The following SH3KBP1 variants were observed in gnomAD, a reference collection of about 807,000 sequenced individuals.
SH3KBP1 encodes SH3 domain-containing kinase-binding protein 1.
In SH3KBP1, 8 loss-of-function variants were observed where a neutral mutation model predicts 50.1. The observed-to-expected ratio is 0.16, with a 90% CI of 0.09 to 0.29. SH3KBP1 has a LOEUF of 0.29. Ranked by LOEUF, SH3KBP1 falls within the 10% of genes least tolerant of loss-of-function variation. The probability of loss-of-function intolerance (pLI) is 1.00; values close to 1 mark genes in which losing one functional copy is unlikely to be tolerated. For synonymous variants in SH3KBP1, 227 were observed against 218.6 expected (o/e 1.04, Z -0.34); for missense variants, 377 against 535.2 (o/e 0.70, Z 2.92).
chrX:19,748,131 C>G (rs1340256870), intron 2 of SH3KBP1, among the ~76,000 whole-genome samples: 1 of 112,193 alleles, frequency 8.9e-6, no homozygotes, highest in African/African-American at 3.2e-5. Flanking sequence ...GCTCAAACCT[C>G]ATTTTCCATC....
intron 17 of SH3KBP1, 73 bp from the exon 18 acceptor site, chrX:19,536,531 C>T (rs41304739): frequency 0.11 from 75,197 of 667,185 alleles, 3,832 homozygotes; most frequent in Non-Finnish European, 0.13. Context: ...GAAAGATTAT[C>T]AACCCGGTCG....
rs1334175121 is a variant in SH3KBP1, at chrX:19,608,332, A to G, written c.898-287T>C. On this transcript the variant is annotated intron_variant, in intron 8 of 17. Coordinates refer to ENST00000397821, the MANE Select transcript of SH3KBP1 (RefSeq NM_031892.3). ...TTTTTTTTTTTTTTTTTTTTGAGAC[A>G]GGGTCTCACTCTGTCGCCCAGGCTG... is the stretch of plus-strand genomic sequence containing the variant. Among the ~76,000 whole-genome samples the G allele has an allele frequency of 8.8e-5, 8 of 90,992 alleles. 1 individual carries two copies. In the East Asian group the frequency reaches 2.6e-3, roughly 30 times the overall value. The allele number at this position is 90,992 out of a possible 115,157, so 79.0% of individuals were successfully genotyped here.
intron 4 of SH3KBP1, among the ~76,000 whole-genome samples, 184 bp from the exon 5 acceptor site, chrX:19,695,925 G>A (rs990547211): frequency 9.0e-6 from 1 of 111,204 alleles, no homozygotes; most frequent in Admixed American, 9.5e-5. Context: ...GGCTAAAGAA[G>A]GGGGTGTTTA....
intron 1 of SH3KBP1, among the ~76,000 whole-genome samples, chrX:19,837,462 C>CTTTTTTT (rs777871798): frequency 1.2e-4 from 9 of 72,752 alleles, no homozygotes; most frequent in East Asian, 4.2e-4. Flanking sequence ...TTTCATAACA[C>CTTTTTTT]TTTTTTTTTT....
At chrX:19,548,831 G>GAGAGAC (rs746715053) in intron 14 of SH3KBP1, among the ~76,000 whole-genome samples, 13 of 110,461 alleles carry the variant, frequency 1.2e-4, no homozygotes, top group Non-Finnish European at 1.9e-4. Flanking sequence ...AATAAAGAGA[G>GAGAGAC]AGAGAGAGAG....
intron 6 of SH3KBP1, chrX:19,670,853 A>AAAAAAAAAAAAAT: frequency 4.4e-6 from 5 of 1,146,324 alleles, no homozygotes; most frequent in Non-Finnish European, 4.6e-6. Flanking sequence ...AAAAAAAAAA[A>AAAAAAAAAAAAAT]AGAAATACCT....
chrX:19,588,515 G>A (rs1393339059), intron 12 of SH3KBP1, 128 bp downstream of exon 12: 1 of 1,209,517 alleles, frequency 8.3e-7, no homozygotes, highest in Admixed American at 2.2e-5. Flanking sequence ...GCTGGAGGAT[G>A]TAAGAGGGAA....
intron 9 of SH3KBP1, among the ~76,000 whole-genome samples, chrX:19,602,899 C>T (rs955476285): frequency 4.5e-5 from 5 of 111,583 alleles, no homozygotes; most frequent in African/African-American, 1.6e-4. Context: ...CAGCAAAATT[C>T]GGCCATTGTG....
intron 3 of SH3KBP1, among the ~76,000 whole-genome samples, chrX:19,729,995 CTG>C (rs2064327953): frequency 9.0e-6 from 1 of 111,339 alleles, no homozygotes; most frequent in Non-Finnish European, 1.9e-5. Flanking sequence ...CCATCAGTAA[CTG>C]AGCGATTTTT....
At chrX:19,632,678 C>T (rs1423945636) in intron 7 of SH3KBP1, among the ~76,000 whole-genome samples, 5 of 112,594 alleles carry the variant, frequency 4.4e-5, no homozygotes, top group Non-Finnish European at 9.4e-5. Context: ...CACTAAAAAT[C>T]GATTTAAGTA....
chrX:19,832,768 C>G (rs1444812668), intron 2 of SH3KBP1, among the ~76,000 whole-genome samples: 1 of 111,887 alleles, frequency 8.9e-6, no homozygotes, highest in African/African-American at 3.3e-5. Context: ...TGGCCTAGCC[C>G]AAAGCAGAGC....
intron 7 of SH3KBP1, among the ~76,000 whole-genome samples, chrX:19,641,907 G>C (rs762209664): frequency 4.5e-5 from 5 of 111,732 alleles, no homozygotes; most frequent in Non-Finnish European, 7.5e-5. Flanking sequence ...TGGCACGGTC[G>C]TGGCTCACCA....
chrX:19,859,075 C>G (rs2068721629), intron 1 of SH3KBP1, among the ~76,000 whole-genome samples: 3 of 111,458 alleles, frequency 2.7e-5, no homozygotes, highest in Non-Finnish European at 5.7e-5. Context: ...GAACCCAGGT[C>G]ACAAGAAGCA....
intron 2 of SH3KBP1, among the ~76,000 whole-genome samples, chrX:19,833,445 C>T (rs1473638956): frequency 9.3e-6 from 1 of 107,316 alleles, no homozygotes; most frequent in African/African-American, 3.4e-5. Flanking sequence ...CGCCCCTTCC[C>T]ACAGTCCTCC....
chrX:19,827,296 A>G (rs2067713011), intron 2 of SH3KBP1, among the ~76,000 whole-genome samples: 2 of 111,924 alleles, frequency 1.8e-5, no homozygotes, highest in African/African-American at 6.5e-5. Context: ...AGGCAGAGAA[A>G]ACAGCTTACT....
At chrX:19,591,997 G>A in intron 11 of SH3KBP1, 70 bp downstream of exon 11, 1 of 867,968 alleles carries the variant, frequency 1.2e-6, no homozygotes, top group East Asian at 3.1e-5. Context: ...GGGTATTCTG[G>A]ACTAGCCGTG....
chrX:19,881,753 G>A (rs2069440718), intron 1 of SH3KBP1, among the ~76,000 whole-genome samples: 1 of 111,870 alleles, frequency 8.9e-6, no homozygotes, highest in African/African-American at 3.3e-5. Flanking sequence ...GGGGACCAGA[G>A]ATGACAGCAT....
At chrX:19,612,090 C>A (rs1002300715) in intron 8 of SH3KBP1, among the ~76,000 whole-genome samples, 3 of 110,242 alleles carry the variant, frequency 2.7e-5, no homozygotes, top group Non-Finnish European at 5.7e-5. Context: ...TTTTTTCCCC[C>A]AGCAATACAA....
intron 13 of SH3KBP1, among the ~76,000 whole-genome samples, chrX:19,568,568 C>T (rs1022908473): frequency 2.7e-5 from 3 of 112,234 alleles, no homozygotes; most frequent in African/African-American, 9.7e-5. Flanking sequence ...CACTCACGTA[C>T]ACCTCCAAAA....
Sources: allele counts gnomAD v4.1 joint callset (sites outside exome capture counted in the v4.1 genomes callset), GRCh38; gene constraint gnomAD v4.1.1; transcripts MANE v1.5; gene names NCBI Gene and HGNC (gene_info 2026-07-23, HGNC 2026-07-21).